GAB2: variants seen among roughly 807,000 people sequenced by gnomAD.
The protein encoded by GAB2 is GRB2-associated-binding protein 2.
Under a neutral mutation model 65.5 loss-of-function variants are expected in GAB2, and 26 were observed. That is an observed-to-expected ratio of 0.40 (90% CI 0.29 to 0.55). GAB2 has a LOEUF of 0.55. Ranked by LOEUF, GAB2 falls within the 20% of genes least tolerant of loss-of-function variation. GAB2 has a pLI of 0.53. For missense variants in GAB2, 884 were observed against 875.8 expected, an observed-to-expected ratio of 1.01 and a Z score of -0.12; for synonymous variants, 321 against 329.6, an observed-to-expected ratio of 0.97 and a Z score of 0.28.
chr11:78,387,551 G>A (rs960047951), intron 1 of GAB2, among the ~76,000 whole-genome samples: 2 of 152,208 alleles, frequency 1.3e-5, no homozygotes, highest in Non-Finnish European at 2.9e-5. Context: ...AAAAGGATGT[G>A]TAGAACTGCT....
chr11:78,408,415 A>G (rs1857082924), intron 1 of GAB2, among the ~76,000 whole-genome samples: 1 of 152,254 alleles, frequency 6.6e-6, no homozygotes, highest in South Asian at 2.1e-4. Flanking sequence ...CAAAAACACT[A>G]TATAGATAAA....
intron 1 of GAB2, among the ~76,000 whole-genome samples, chr11:78,416,137 A>T (rs1236215209): frequency 6.6e-6 from 1 of 151,956 alleles, no homozygotes; most frequent in East Asian, 2.0e-4. Flanking sequence ...CCTGAAGAGG[A>T]AAAAAGTTTA....
At chr11:78,402,928 T>A (rs1181752005) in intron 1 of GAB2, among the ~76,000 whole-genome samples, 1 of 152,112 alleles carries the variant, frequency 6.6e-6, no homozygotes, top group Non-Finnish European at 1.5e-5. Flanking sequence ...GGTTATCAGG[T>A]CATGAGGGCA....
Position 78,219,038 on chromosome 11 carries a change from G to T in GAB2, c.*234C>A. ...TCCTAACTAAGGTGGGTGGAGGCAT[G>T]GCCATTACTGATAAAAATCACAGCT... On this transcript the variant is annotated 3_prime_UTR_variant, in exon 10 of 10. Transcript: ENST00000361507. The T allele has an allele frequency of 1.9e-6, 1 of 531,606 alleles. No homozygotes were observed. The highest frequency in any genetic ancestry group is 3.3e-6 in the Non-Finnish European group (1 of 298,802). 32.9% of individuals were successfully genotyped at this position (531,606 alleles called of 1,614,324 possible).
At chr11:78,363,672 C>T (rs896657930) in intron 1 of GAB2, among the ~76,000 whole-genome samples, 1 of 151,502 alleles carries the variant, frequency 6.6e-6, no homozygotes, top group African/African-American at 2.4e-5. Context: ...GCAGTCTTCA[C>T]CTCCCAGGCT....
chr11:78,294,050 A>C (rs1160166223), intron 1 of GAB2, among the ~76,000 whole-genome samples: 1 of 151,944 alleles, frequency 6.6e-6, no homozygotes, highest in African/African-American at 2.4e-5. Flanking sequence ...TATCTCTCCT[A>C]ATGCTATCCC....
In GAB2 at chr11:78,261,225, T is replaced by A. The variant is rs751449986; in HGVS notation, c.377-10825A>T. ...ATCACTTGAGCCCAGGAGGTCGAGG[T>A]TGCAGTAAGCTGTGACCACACCACT... On this transcript the variant is annotated intron_variant, in intron 2 of 9. Transcript: ENST00000361507. 1.4e-4 allele frequency among the ~76,000 whole-genome samples: 21 copies of A among 151,926 alleles called. 1 individual carries two copies. The highest frequency in any genetic ancestry group is 2.8e-4 in the Non-Finnish European group (19 of 67,998).
chr11:78,348,379 G>A (rs1459675510), intron 1 of GAB2, among the ~76,000 whole-genome samples: 1 of 152,202 alleles, frequency 6.6e-6, no homozygotes, highest in Non-Finnish European at 1.5e-5. Context: ...AAAGGAACTT[G>A]TACAACTCAG....
chr11:78,415,159 AC>A (rs1857178649), intron 1 of GAB2, among the ~76,000 whole-genome samples: 1 of 152,276 alleles, frequency 6.6e-6, no homozygotes, highest in African/African-American at 2.4e-5. Flanking sequence ...GGCATAAGCC[AC>A]TGCGCCCAGA....
intron 1 of GAB2, among the ~76,000 whole-genome samples, chr11:78,401,293 C>T (rs1184381679): frequency 2.0e-5 from 3 of 152,180 alleles, no homozygotes; most frequent in Non-Finnish European, 4.4e-5. Flanking sequence ...AATAGCTGCT[C>T]ATTGTCCCCT....
At chr11:78,228,400 C>T (rs1323504517) in intron 3 of GAB2, among the ~76,000 whole-genome samples, 1 of 152,146 alleles carries the variant, frequency 6.6e-6, no homozygotes. Context: ...TTTTAAGATT[C>T]TGGTCAAAAG....
chr11:78,338,496 T>C (rs1856039211), intron 1 of GAB2, among the ~76,000 whole-genome samples: 1 of 152,212 alleles, frequency 6.6e-6, no homozygotes, highest in Non-Finnish European at 1.5e-5. Flanking sequence ...TCTTGTAATG[T>C]GAGAAAAATC....
chr11:78,284,403 C>T (rs1339595438), intron 1 of GAB2, among the ~76,000 whole-genome samples: 1 of 152,228 alleles, frequency 6.6e-6, no homozygotes, highest in Non-Finnish European at 1.5e-5. Context: ...GTTCATCTCA[C>T]TCAGAGTAAA....
chr11:78,329,386 C>T (rs1287527628), intron 1 of GAB2, among the ~76,000 whole-genome samples: 3 of 152,092 alleles, frequency 2.0e-5, no homozygotes, highest in East Asian at 1.9e-4. Context: ...TCCCCCAATA[C>T]GATTTATGTA....
intron 3 of GAB2, among the ~76,000 whole-genome samples, chr11:78,236,667 T>C (rs1282369922): frequency 6.6e-6 from 1 of 152,254 alleles, no homozygotes; most frequent in Non-Finnish European, 1.5e-5. Flanking sequence ...AGAAATACTT[T>C]TTTTTCAATG....
At chr11:78,329,065 A>G (rs1162682419) in intron 1 of GAB2, among the ~76,000 whole-genome samples, 1 of 152,226 alleles carries the variant, frequency 6.6e-6, no homozygotes, top group Non-Finnish European at 1.5e-5. Context: ...GGTCAAAGGA[A>G]TGGATAGACA....
In GAB2 at chr11:78,220,457, G is replaced by T; in HGVS notation, c.1762-13C>A. 6.4e-7 allele frequency: 1 copy of T among 1,550,622 alleles called. No individual in the cohort carries two copies. On this transcript the variant is annotated splice_polypyrimidine_tract_variant and intron_variant, in intron 8 of 9. Transcript: ENST00000361507. Reference sequence around the variant, plus strand: ...ACACTGGGTTTTGCTGTCACGAGGAGGAAAAAACTGTGAGTGACTGCAGAA... The same window carrying T: ...ACACTGGGTTTTGCTGTCACGAGGATGAAAAAACTGTGAGTGACTGCAGAA...
At chr11:78,413,979 T>C (rs530049206) in intron 1 of GAB2, among the ~76,000 whole-genome samples, 2 of 151,638 alleles carry the variant, frequency 1.3e-5, no homozygotes, top group East Asian at 1.9e-4. Context: ...TCCCAGCTAC[T>C]TGGGAGGCTG....
intron 1 of GAB2, among the ~76,000 whole-genome samples, chr11:78,351,234 G>A (rs960707193): frequency 5.3e-5 from 8 of 151,502 alleles, no homozygotes; most frequent in African/African-American, 9.7e-5. Context: ...AGGGGCCTTC[G>A]GCATCATTTA....
Sources: allele counts gnomAD v4.1 joint callset (sites outside exome capture counted in the v4.1 genomes callset), GRCh38; gene constraint gnomAD v4.1.1; transcripts MANE v1.5; gene names NCBI Gene and HGNC (gene_info 2026-07-23, HGNC 2026-07-21).